Variants in AOPEP observed in about 807,000 individuals in gnomAD.
AOPEP encodes the protein aminopeptidase O.
Under a neutral mutation model 98.1 loss-of-function variants are expected in AOPEP, and 77 were observed. The observed-to-expected ratio is 0.78, with a 90% CI of 0.65 to 0.95. The LOEUF (loss-of-function observed/expected upper bound fraction) is 0.95, where lower values mean the gene tolerates loss of function less well. Ranked by LOEUF, AOPEP falls within the 40% of genes least tolerant of loss-of-function variation. AOPEP has a pLI of 0.00. For missense variants in AOPEP, 1,024 were observed against 1,024.7 expected (o/e 1.00, Z 0.01); for synonymous variants, 346 against 365.3 (o/e 0.95, Z 0.60).
chr9:95,128,568 G>C, the AOPEP span, among the ~76,000 whole-genome samples: 19 of 152,308 alleles, frequency 1.2e-4, no homozygotes, highest in African/African-American at 3.6e-4. Flanking sequence ...GTAGATTAGG[G>C]CTACTATGAA....
chr9:95,126,495 C>A, the AOPEP span: 9 of 1,597,572 alleles, frequency 5.6e-6, no homozygotes, highest in African/African-American at 1.3e-5. Flanking sequence ...ACCTTTTTTA[C>A]ATCAATTACT....
intron 5 of AOPEP, among the ~76,000 whole-genome samples, chr9:94,823,538 C>A (rs1853746546): frequency 6.6e-6 from 1 of 152,168 alleles, no homozygotes; most frequent in Non-Finnish European, 1.5e-5. Flanking sequence ...TTCTCTGGAG[C>A]ATCTAATGAA....
chr9:95,136,939 T>C, the AOPEP span, among the ~76,000 whole-genome samples: 4 of 152,158 alleles, frequency 2.6e-5, no homozygotes, highest in Non-Finnish European at 4.4e-5. Context: ...TGGGATACAG[T>C]AGAGCTGCCC....
At chr9:94,817,760 G>T (rs1852033571) in intron 5 of AOPEP, among the ~76,000 whole-genome samples, 1 of 152,214 alleles carries the variant, frequency 6.6e-6, no homozygotes, top group Non-Finnish European at 1.5e-5. Flanking sequence ...TGGCATTCCG[G>T]AGGGCAGTAT....
chr9:95,123,863 A>G, the AOPEP span: 2 of 590,838 alleles, frequency 3.4e-6, no homozygotes, highest in Non-Finnish European at 6.4e-6. Flanking sequence ...ACCAAAGCCC[A>G]CGTAAGGAGT....
intron 5 of AOPEP, among the ~76,000 whole-genome samples, chr9:94,903,892 T>TAAAAAAA (rs10658054): frequency 2.1e-5 from 2 of 96,572 alleles, no homozygotes; most frequent in South Asian, 8.4e-4. Context: ...AGACTCTGTC[T>TAAAAAAA]AAAAAAAAAA....
At position 95,082,602 on chromosome 9, in the gene AOPEP, CTGA is replaced by C; in HGVS notation, c.2350_2352del (p.Met784del). The C allele has an allele frequency of 1.9e-6, 3 of 1,614,186 alleles. No individual in the cohort carries two copies. Among genetic ancestry groups the C allele is most frequent in the Non-Finnish European group, 2.5e-6 (3 of 1,180,034 alleles). On this transcript the variant is annotated inframe_deletion, in exon 16 of 17. Transcript: ENST00000375315. ...CATGGGTGTGTACCTCTACGGGGAG[CTGA>C]TGGTGAGTGAGGACGCCAGACAGCA... is the stretch of plus-strand genomic sequence containing the variant.
In AOPEP at chr9:94,979,395, C is replaced by T. The variant is rs757944488; in HGVS notation, c.1945C>T (p.Gln649Ter). 1.2e-6 allele frequency: 2 copies of T among 1,602,952 alleles called. No homozygotes were observed. The highest frequency in any genetic ancestry group is 1.7e-5 in the Admixed American group (1 of 59,428). ...TGAGCTGTCTGTTGAAAACATCTAC[C>T]AAGACTGGCTTGAGAGTTCCGGAAT... ...RLELSVENIY[Q>*]DWLESSGIPK... is the part of the protein sequence containing the mutation. The change falls in exon 11 of 17, where the codon CAA becomes TAA. Residue 649 changes from glutamine (Q) to a stop codon, truncating the protein, a stop_gained. Coordinates refer to ENST00000375315, the MANE Select transcript of AOPEP (RefSeq NM_001193329.3). LOFTEE classifies it high-confidence loss of function.
intron 16 of AOPEP, among the ~76,000 whole-genome samples, chr9:95,084,443 C>T (rs766811097): frequency 2.6e-5 from 4 of 152,230 alleles, no homozygotes; most frequent in Non-Finnish European, 4.4e-5. Context: ...ACGCGGCTCC[C>T]CTCCAGGACG....
At chr9:94,919,517 G>A (rs910391947) in intron 5 of AOPEP, among the ~76,000 whole-genome samples, 3 of 152,114 alleles carry the variant, frequency 2.0e-5, no homozygotes, top group East Asian at 1.9e-4. Flanking sequence ...CATCTCCTAC[G>A]TTAGGCTGCG....
In AOPEP at chr9:94,928,501, A is replaced by G. The variant is rs2054743604; in HGVS notation, c.1631A>G (p.Gln544Arg). ...LRWRRLQDEM[Q>R]CSPEEMQVLR... is the part of the protein sequence containing the mutation. ...TGGCGTCGCCTCCAGGACGAGATGC[A>G]ATGCTCCCCCGAGGAGATGCAGGTG... The change falls in exon 7 of 17, where the codon CAA becomes CGA. Residue 544 changes from glutamine (Q) to arginine (R), a missense_variant. By Grantham distance (43) the Gln-to-Arg change is conservative (BLOSUM62 1). Coordinates refer to ENST00000375315, the MANE Select transcript of AOPEP (RefSeq NM_001193329.3). 6.4e-7 allele frequency: 1 copy of G among 1,550,856 alleles called. No homozygotes were observed. Among genetic ancestry groups the G allele is most frequent in the South Asian group, 1.2e-5 (1 of 84,060 alleles).
rs115471459 is a variant in AOPEP, at chr9:94,897,707, C to T, written c.1365-26279C>T. 9.5e-3 allele frequency among the ~76,000 whole-genome samples: 1,441 copies of T among 152,184 alleles called. 27 individuals are homozygous for T. The highest frequency in any genetic ancestry group is 0.032 in the African/African-American group (1,337 of 41,506). On this transcript the variant is annotated intron_variant, in intron 5 of 16. Coordinates refer to ENST00000375315, the MANE Select transcript of AOPEP (RefSeq NM_001193329.3). ...AATGTTTTAATAAAAATCTCTCTCC[C>T]CAAATAAAAATTAACTCATTAGTAA...
At chr9:95,096,239 C>T in the AOPEP span, among the ~76,000 whole-genome samples, 2 of 152,102 alleles carry the variant, frequency 1.3e-5, no homozygotes, top group Admixed American at 6.5e-5. Flanking sequence ...TACATGTACA[C>T]GTGATTTACT....
chr9:94,743,543 A>G (rs1407562823), intron 1 of AOPEP, among the ~76,000 whole-genome samples: 1 of 152,260 alleles, frequency 6.6e-6, no homozygotes, highest in African/African-American at 2.4e-5. Context: ...AGCAACAACT[A>G]GAGTGTTAGC....
intron 13 of AOPEP, among the ~76,000 whole-genome samples, chr9:95,027,186 C>T (rs2063911994): frequency 6.6e-6 from 1 of 152,098 alleles, no homozygotes; most frequent in African/African-American, 2.4e-5. Flanking sequence ...CGCTTGAGCC[C>T]AGGAGTTCAA....
At chr9:95,066,284 C>T (rs1432259449) in intron 14 of AOPEP, among the ~76,000 whole-genome samples, 11 of 152,134 alleles carry the variant, frequency 7.2e-5, no homozygotes. Flanking sequence ...CTGTGGAAAG[C>T]CTGCAACAGC....
chr9:94,915,983 G>A (rs1425371743), intron 5 of AOPEP, among the ~76,000 whole-genome samples: 1 of 152,186 alleles, frequency 6.6e-6, no homozygotes, highest in Non-Finnish European at 1.5e-5. Flanking sequence ...ATGGCTGCAA[G>A]CTGCCCCAAC....
chr9:94,950,644 CAG>C, intron 7 of AOPEP, among the ~76,000 whole-genome samples: 1 of 152,356 alleles, frequency 6.6e-6, no homozygotes, highest in East Asian at 1.9e-4. Flanking sequence ...CTGCGACTAA[CAG>C]AAACACTGAG....
At chr9:95,085,178 TGTGTG>T (rs757215409) in intron 16 of AOPEP, 32 of 458,776 alleles carry the variant, frequency 7.0e-5, no homozygotes, top group South Asian at 4.8e-4. Context: ...GGAAGCCCAG[TGTGTG>T]CAGACAGCAC....
Sources: gnomAD v4.1 joint callset for allele counts (sites outside exome capture counted in the v4.1 genomes callset) on GRCh38, gnomAD v4.1.1 for gene constraint, MANE v1.5 for transcripts, NCBI Gene and HGNC (gene_info 2026-07-23, HGNC 2026-07-21) for gene names.